Variants in MGMT observed in about 807,000 individuals in gnomAD.
The protein encoded by MGMT is methylated-DNA--protein-cysteine methyltransferase.
Under a neutral mutation model 15.9 loss-of-function variants are expected in MGMT, and 14 were observed. The observed-to-expected ratio is 0.88, with a 90% CI of 0.58 to 1.37. The LOEUF is 1.37. MGMT is among the 40% of genes most tolerant of loss of function. MGMT has a pLI of 0.00. For synonymous variants in MGMT, 130 were observed against 118.2 expected (o/e 1.10, Z -0.65); for missense variants, 282 against 268.1 (o/e 1.05, Z -0.36).
chr10:129,680,758 G>A (rs1040367057), intron 2 of MGMT, among the ~76,000 whole-genome samples: 9 of 152,198 alleles, frequency 5.9e-5, no homozygotes, highest in East Asian at 1.9e-4. Context: ...CTTTGCCCCC[G>A]TGGGGACGTG....
chr10:129,661,471 A>C (rs1040102751), intron 2 of MGMT, among the ~76,000 whole-genome samples: 4 of 152,180 alleles, frequency 2.6e-5, no homozygotes, highest in Non-Finnish European at 4.4e-5. Context: ...TTTTTCAAAA[A>C]GCTTACATTT....
chr10:129,713,894 ACACGGC>A (rs1848261993), intron 3 of MGMT, among the ~76,000 whole-genome samples: 1 of 152,214 alleles, frequency 6.6e-6, no homozygotes. Flanking sequence ...ATCTGCCGGC[ACACGGC>A]CTGACTTTCA....
chr10:129,502,735 T>TG (rs1564836189), intron 1 of MGMT, among the ~76,000 whole-genome samples: 3 of 152,118 alleles, frequency 2.0e-5, no homozygotes. Context: ...AAACCACACG[T>TG]GGGGATTCAG....
At chr10:129,611,837 C>T (rs1261195688) in intron 2 of MGMT, among the ~76,000 whole-genome samples, 4 of 152,188 alleles carry the variant, frequency 2.6e-5, no homozygotes, top group African/African-American at 9.7e-5. Context: ...GTGTGATGCA[C>T]TGGTCCTGAA....
intron 2 of MGMT, among the ~76,000 whole-genome samples, chr10:129,583,137 C>A (rs1235693159): frequency 2.6e-5 from 4 of 152,102 alleles, no homozygotes; most frequent in African/African-American, 9.7e-5. Context: ...AAATAAGCAA[C>A]AAATATAATA....
At chr10:129,637,285 A>G (rs940395042) in intron 2 of MGMT, among the ~76,000 whole-genome samples, 2 of 152,158 alleles carry the variant, frequency 1.3e-5, no homozygotes, top group African/African-American at 4.8e-5. Flanking sequence ...AGATGGGCCC[A>G]CCCTGTCCTC....
At chr10:129,740,482 A>G (rs1848618819) in intron 3 of MGMT, among the ~76,000 whole-genome samples, 1 of 152,240 alleles carries the variant, frequency 6.6e-6, no homozygotes, top group African/African-American at 2.4e-5. Context: ...CAAGGGATAG[A>G]AAATCAGTCC....
At chr10:129,542,176 GT>G (rs950035815) in intron 2 of MGMT, among the ~76,000 whole-genome samples, 21 of 152,130 alleles carry the variant, frequency 1.4e-4, no homozygotes, top group Non-Finnish European at 2.6e-4. Context: ...GGTGACCTGC[GT>G]TTTGCCTCTC....
At chr10:129,628,374 G>A (rs1000683268) in intron 2 of MGMT, among the ~76,000 whole-genome samples, 2 of 152,206 alleles carry the variant, frequency 1.3e-5, no homozygotes, top group Admixed American at 6.5e-5. Flanking sequence ...CATGTTTCAC[G>A]TTTTGCTCTG....
chr10:129,737,344 A>G (rs1219367401), intron 3 of MGMT, among the ~76,000 whole-genome samples: 3 of 152,272 alleles, frequency 2.0e-5, no homozygotes, highest in East Asian at 1.9e-4. Context: ...AGTTGATTGC[A>G]TCGGCTCCTG....
intron 1 of MGMT, among the ~76,000 whole-genome samples, chr10:129,518,659 G>A (rs535381642): frequency 1.6e-5 from 2 of 126,280 alleles, no homozygotes; most frequent in Non-Finnish European, 1.7e-5. Context: ...AGATTTTCAC[G>A]TCCTTAGGAT....
intron 2 of MGMT, among the ~76,000 whole-genome samples, chr10:129,655,406 C>T (rs941988242): frequency 8.5e-5 from 13 of 152,208 alleles, no homozygotes; most frequent in Admixed American, 7.2e-4. Flanking sequence ...ATTTTTAAAA[C>T]CCATTAAGGT....
At chr10:129,718,975 A>G (rs1431012911) in intron 3 of MGMT, among the ~76,000 whole-genome samples, 4 of 150,814 alleles carry the variant, frequency 2.7e-5, no homozygotes, top group Admixed American at 6.6e-5. Context: ...TGAGATGTCT[A>G]GAGCCGGTCC....
intron 1 of MGMT, among the ~76,000 whole-genome samples, chr10:129,486,101 T>G (rs1336217598): frequency 2.0e-5 from 3 of 152,130 alleles, no homozygotes; most frequent in African/African-American, 7.2e-5. Flanking sequence ...TGAAGAAAAC[T>G]AATTTACCTT....
At chr10:129,721,342 A>T (rs1421661001) in intron 3 of MGMT, among the ~76,000 whole-genome samples, 1 of 152,272 alleles carries the variant, frequency 6.6e-6, no homozygotes, top group Admixed American at 6.5e-5. Flanking sequence ...CAGAGAAAGA[A>T]TTCCAGAGGT....
chr10:129,485,107 A>G (rs1845395261), intron 1 of MGMT, among the ~76,000 whole-genome samples: 1 of 152,102 alleles, frequency 6.6e-6, no homozygotes, highest in African/African-American at 2.4e-5. Context: ...TCTGTCTGTG[A>G]TCAGGAATTA....
At chr10:129,696,554 C>T (rs566805850) in intron 2 of MGMT, among the ~76,000 whole-genome samples, 18 of 152,312 alleles carry the variant, frequency 1.2e-4, no homozygotes, top group African/African-American at 3.6e-4. Context: ...GTTTTTCTTC[C>T]CCCTAGGGAA....
intron 3 of MGMT, among the ~76,000 whole-genome samples, chr10:129,746,238 CAAAAAAAAAAAA>C (rs57022839): frequency 9.5e-6 from 1 of 104,882 alleles, no homozygotes; most frequent in Non-Finnish European, 2.0e-5. Context: ...GACTCTGTCT[CAAAAAAAAAAAA>C]AAAAACAAAC....
chr10:129,539,797 C>T (rs762214075), intron 2 of MGMT, among the ~76,000 whole-genome samples: 8 of 152,190 alleles, frequency 5.3e-5, no homozygotes, highest in Admixed American at 4.6e-4. Context: ...TGAGCCACCG[C>T]GCCCGGCCTG....
Sources: allele counts gnomAD v4.1 joint callset (sites outside exome capture counted in the v4.1 genomes callset), GRCh38; gene constraint gnomAD v4.1.1; transcripts MANE v1.5; gene names NCBI Gene and HGNC (gene_info 2026-07-23, HGNC 2026-07-21).